The following EIF4A2 variants were observed in gnomAD, a reference collection of about 807,000 sequenced individuals.
The protein encoded by EIF4A2 is eukaryotic translation initiation factor 4A2, also known as eukaryotic initiation factor 4A-II.
In EIF4A2, 9 loss-of-function variants were observed where a neutral mutation model predicts 50.6. The observed-to-expected ratio is 0.18, with a 90% CI of 0.11 to 0.31. EIF4A2 has a LOEUF of 0.31. Among genes scored for constraint, EIF4A2 ranks in the 10% least tolerant of loss-of-function variants. The pLI, the probability that EIF4A2 is intolerant of heterozygous loss-of-function variation, is 1.00. For synonymous variants in EIF4A2, 215 were observed against 164.4 expected (o/e 1.31, Z -2.35); for missense variants, 182 against 501.8 (o/e 0.36, Z 6.09).
rs1230665703 is a variant in EIF4A2 at position 186,787,829 on chromosome 3, G to T, written c.1026G>T (p.Val342=). ...CTCGCGGGATTGATGTGCAACAAGT[G>T]TCTTTGGTTATAAATTATGATCTAC... ...LLARGIDVQQ[V]SLVINYDLPT... Residue 342 remains valine (V), a synonymous_variant, in exon 10 of 11, where the codon GTG becomes GTT. Coordinates refer to ENST00000323963, the MANE Select transcript of EIF4A2 (RefSeq NM_001967.4). 3 of 1,613,778 alleles carry T rather than the reference G, an allele frequency of 1.9e-6. No individual in the cohort carries two copies. The African/African-American group carries it at 4.0e-5, about 22-fold the overall frequency.
rs758468090 is a variant in EIF4A2 at position 186,784,686 on chromosome 3, C to T, written c.198C>T (p.Pro66=). The change falls in exon 3 of 11, where the codon CCC becomes CCT. Residue 66 remains proline (P), a synonymous_variant. Coordinates refer to ENST00000323963, the MANE Select transcript of EIF4A2 (RefSeq NM_001967.4). The part of the protein sequence containing the change: ...PSAIQQRAII[P]CIKGYDVIAQ... ...CTATTCAGCAGAGAGCTATTATTCCCTGTATTAAAGGTAAAAGAAACTGGC... is the reference window on the plus strand; with the variant it reads ...CTATTCAGCAGAGAGCTATTATTCCTTGTATTAAAGGTAAAAGAAACTGGC... The T allele has an allele frequency of 6.2e-6, 10 of 1,613,800 alleles. No homozygotes were observed. The Admixed American group carries it at 1.0e-4, about 16-fold the overall frequency.
chr3:186,784,746 A>G (rs1262558779), intron 3 of EIF4A2, 50 bp downstream of exon 3: 20 of 1,610,940 alleles, frequency 1.2e-5, no homozygotes, highest in Non-Finnish European at 1.6e-5. Context: ...GACATGAACC[A>G]TAAAAGGGAA....
rs1722005471 is a variant in EIF4A2, at chr3:186,789,756, A to G, written c.*487A>G. 3 of 491,106 alleles carry G rather than the reference A, an allele frequency of 6.1e-6. No homozygotes were observed. The highest frequency in any genetic ancestry group is 1.1e-5 in the Non-Finnish European group (3 of 277,644). 30.4% of individuals were successfully genotyped at this position (491,106 alleles called of 1,614,324 possible). Reference sequence around the variant, plus strand: ...ATTGTATTTATTCAATAAAGTATTTAATTAGTGCTAAGTGTGAACTGGACC... The same window carrying G: ...ATTGTATTTATTCAATAAAGTATTTGATTAGTGCTAAGTGTGAACTGGACC... On this transcript the variant is annotated 3_prime_UTR_variant, in exon 11 of 11. Coordinates refer to ENST00000323963, the MANE Select transcript of EIF4A2 (RefSeq NM_001967.4).
At chr3:186,785,780 C>T in intron 4 of EIF4A2, 103 bp from the exon 5 acceptor site, 2 of 1,433,134 alleles carry the variant, frequency 1.4e-6, no homozygotes, top group Non-Finnish European at 1.9e-6. Flanking sequence ...GCTGTGCATG[C>T]ATAAAAGCTG....
intron 4 of EIF4A2, chr3:186,785,607 T>C: frequency 2.5e-6 from 1 of 407,914 alleles, no homozygotes; most frequent in Non-Finnish European, 4.4e-6. Flanking sequence ...ACGTACTCCC[T>C]ACCTACAGTG....
intron 10 of EIF4A2, 199 bp from the exon 11 acceptor site, chr3:186,788,926 A>G: frequency 1.6e-6 from 1 of 618,908 alleles, no homozygotes. Context: ...GCAGCCAGAC[A>G]AGCCTTGAAT....
Position 186,789,307 on chromosome 3 carries a change from T to TG in EIF4A2, c.*39dup, listed in dbSNP as rs1482592335. On this transcript the variant is annotated 3_prime_UTR_variant, in exon 11 of 11. Coordinates refer to ENST00000323963, the MANE Select transcript of EIF4A2 (RefSeq NM_001967.4). Reference sequence around the variant, plus strand: ...GAGTTTTGGATGCAGTGCTCGCTGTTGCTGAATAGGCGATCACAACGTGCA... The same window carrying TG: ...GAGTTTTGGATGCAGTGCTCGCTGTTGGCTGAATAGGCGATCACAACGTGCA... The TG allele has an allele frequency of 1.9e-6, 3 of 1,582,664 alleles. No individual in the cohort carries two copies. The highest frequency in any genetic ancestry group is 2.6e-6 in the Non-Finnish European group (3 of 1,164,568).
At chr3:186,784,186 C>A (rs901297200) in intron 1 of EIF4A2, 1 of 582,342 alleles carries the variant, frequency 1.7e-6, no homozygotes, top group Non-Finnish European at 3.0e-6. Flanking sequence ...GCTCCGAGCT[C>A]TCGCGAGACG....
chr3:186,787,311 A>G, intron 8 of EIF4A2, 47 bp downstream of exon 8: 2 of 1,613,990 alleles, frequency 1.2e-6, no homozygotes, highest in Non-Finnish European at 8.5e-7. Flanking sequence ...AGCAGGATTC[A>G]GACTACAATA....
intron 3 of EIF4A2, 125 bp from the exon 4 acceptor site, chr3:186,784,837 T>C (rs1560083856): frequency 6.3e-7 from 1 of 1,599,322 alleles, no homozygotes; most frequent in Admixed American, 1.7e-5. Context: ...TGACCTGAAA[T>C]GAAGAGAATA....
rs1326014249 is a variant in EIF4A2 at position 186,789,310 on chromosome 3, T to C, written c.*41T>C. 3.8e-6 allele frequency: 6 copies of C among 1,578,466 alleles called. No homozygotes were observed. The highest frequency in any genetic ancestry group is 1.2e-5 in the South Asian group (1 of 86,484). On this transcript the variant is annotated 3_prime_UTR_variant, in exon 11 of 11. Transcript: ENST00000323963. ...TTTTGGATGCAGTGCTCGCTGTTGC[T>C]GAATAGGCGATCACAACGTGCATTG...
chr3:186,788,565 G>A, intron 10 of EIF4A2: 1 of 542,874 alleles, frequency 1.8e-6, no homozygotes, highest in Non-Finnish European at 2.7e-6. Context: ...GCAGGTAGCT[G>A]TTTGGCAGTT....
intron 4 of EIF4A2, 69 bp downstream of exon 4, chr3:186,785,170 A>G: frequency 6.3e-7 from 1 of 1,586,910 alleles, no homozygotes; most frequent in Non-Finnish European, 8.6e-7. Context: ...AACTGTGAAG[A>G]ATTTAAAACT....
rs1579157696 is a variant in EIF4A2 at position 186,785,183 on chromosome 3, G to GT, written c.348+83dup. The GT allele has an allele frequency of 3.2e-6, 5 of 1,566,756 alleles. No homozygotes were observed. In the East Asian group the frequency reaches 1.1e-4, roughly 35 times the overall value. On this transcript the variant is annotated intron_variant, in intron 4 of 10. Coordinates refer to ENST00000323963, the MANE Select transcript of EIF4A2 (RefSeq NM_001967.4). ...ACAACTGTGAAGAATTTAAAACTTA[G>GT]TATAAATTGGTCCTACCAGATCCCT...
rs938832014 is a variant in EIF4A2 at position 186,785,866 on chromosome 3, T to A, written c.349-17T>A. On this transcript the variant is annotated splice_polypyrimidine_tract_variant and intron_variant, in intron 4 of 10. Transcript: ENST00000323963. ...TCCTGGAGTTCTGCGGAATAATAATTAAGGCTTGGGTTTTAGATCCAAAAG... is the reference window on the plus strand; with the variant it reads ...TCCTGGAGTTCTGCGGAATAATAATAAAGGCTTGGGTTTTAGATCCAAAAG... 2 of 1,580,598 alleles carry A rather than the reference T, an allele frequency of 1.3e-6. No homozygotes were observed. The highest frequency in any genetic ancestry group is 1.7e-6 in the Non-Finnish European group (2 of 1,156,310).
rs1208005583 is a variant in EIF4A2, at chr3:186,786,168, A to G, written c.522A>G (p.Pro174=). The G allele has an allele frequency of 6.2e-7, 1 of 1,613,676 alleles. No homozygotes were observed. Among genetic ancestry groups the G allele is most frequent in the Admixed American group, 1.7e-5 (1 of 60,014 alleles). Residue 174 remains proline, a synonymous_variant, in exon 6 of 11, where the codon CCA becomes CCG. Coordinates refer to ENST00000323963, the MANE Select transcript of EIF4A2 (RefSeq NM_001967.4). ...GTATGACTTTGTTTCTAACAGCTCC[A>G]AAATGGATCAAAATGTTTGTTTTGG... ...FDMLNRRYLS[P]KWIKMFVLDE... is the part of the protein sequence containing the mutation.
rs1331464677 is a variant in EIF4A2, at chr3:186,789,805, A to G, written c.*536A>G. Reference sequence around the variant, plus strand: ...CCCTGTTGCTAAGCCCCAGCAAGCAATCCTAGGTAGGGTTTAATCCCCAGT... The same window carrying G: ...CCCTGTTGCTAAGCCCCAGCAAGCAGTCCTAGGTAGGGTTTAATCCCCAGT... On this transcript the variant is annotated 3_prime_UTR_variant, in exon 11 of 11. Transcript: ENST00000323963. 4 of 598,384 alleles carry G rather than the reference A, an allele frequency of 6.7e-6. No individual in the cohort carries two copies. The highest frequency in any genetic ancestry group is 3.7e-5 in the African/African-American group (2 of 53,824). 37.1% of individuals were successfully genotyped at this position (598,384 alleles called of 1,614,324 possible).
intron 10 of EIF4A2, 52 bp downstream of exon 10, chr3:186,787,934 C>A (rs533977062): frequency 6.4e-7 from 1 of 1,571,842 alleles, no homozygotes; most frequent in Admixed American, 1.7e-5. Flanking sequence ...CGTTTTTCTA[C>A]TGTGATTTGT....
chr3:186,786,493 CTT>C lies in EIF4A2; in HGVS notation c.628-5_628-4del. On this transcript the variant is annotated splice_region_variant and splice_polypyrimidine_tract_variant and intron_variant, in intron 6 of 10. Transcript: ENST00000323963. ...AAGTTGTGCTACAACATAATTTTCT[CTT>C]TTTAAGGTTGTGTTGCTTTCTGCCA... 1 of 1,610,214 alleles carries C rather than the reference CTT, an allele frequency of 6.2e-7. No homozygotes were observed. The highest frequency in any genetic ancestry group is 2.2e-5 in the East Asian group (1 of 44,838).
Sources: gnomAD v4.1 joint callset for allele counts on GRCh38, gnomAD v4.1.1 for gene constraint, MANE v1.5 for transcripts, NCBI Gene and HGNC (gene_info 2026-07-23, HGNC 2026-07-21) for gene names.